Variants in CCDC91 observed in about 807,000 individuals in gnomAD.
CCDC91 encodes coiled-coil domain-containing protein 91.
In CCDC91, 48 loss-of-function variants were observed where a neutral mutation model predicts 63.2. The ratio of observed to expected loss-of-function variants is 0.76; its 90% CI spans 0.60 to 0.97. The LOEUF (loss-of-function observed/expected upper bound fraction) is 0.97. CCDC91 is among the 50% of genes least tolerant of loss of function. CCDC91 has a pLI of 0.00. For missense variants in CCDC91, 500 were observed against 494.6 expected (o/e 1.01, Z -0.10); for synonymous variants, 167 against 165.8 (o/e 1.01, Z -0.06).
intron 6 of CCDC91, among the ~76,000 whole-genome samples, chr12:28,327,210 C>G (rs140903307): frequency 1.5e-4 from 23 of 152,124 alleles, no homozygotes; most frequent in African/African-American, 4.8e-4. Flanking sequence ...TGAAAAGCAG[C>G]CCCCAAATCA....
chr12:28,541,530 G>A (rs186382830), intron 12 of CCDC91, among the ~76,000 whole-genome samples: 424 of 152,174 alleles, frequency 2.8e-3, no homozygotes, highest in African/African-American at 1.0e-2. Context: ...TTGTTCTTTA[G>A]ATTGAAACAA....
intron 12 of CCDC91, among the ~76,000 whole-genome samples, chr12:28,518,663 C>T (rs1429504324): frequency 3.3e-5 from 5 of 151,824 alleles, no homozygotes; most frequent in African/African-American, 1.2e-4. Flanking sequence ...TTAATTAAGT[C>T]CCAGTTATTT....
intron 1 of CCDC91, among the ~76,000 whole-genome samples, chr12:28,215,970 G>A (rs907154292): frequency 1.3e-5 from 2 of 152,018 alleles, no homozygotes; most frequent in African/African-American, 4.8e-5. Flanking sequence ...GGAATCTTAT[G>A]CTGAATAATG....
intron 1 of CCDC91, among the ~76,000 whole-genome samples, chr12:28,225,174 A>G (rs1364181526): frequency 2.0e-5 from 3 of 152,146 alleles, no homozygotes; most frequent in Admixed American, 2.0e-4. Flanking sequence ...ATATCCAAAT[A>G]CATTGTATTT....
intron 8 of CCDC91, among the ~76,000 whole-genome samples, chr12:28,415,780 A>C (rs1200172493): frequency 6.6e-6 from 1 of 152,114 alleles, no homozygotes; most frequent in African/African-American, 2.4e-5. Flanking sequence ...TAGTGGTTAC[A>C]GTCAATATAG....
intron 10 of CCDC91, among the ~76,000 whole-genome samples, chr12:28,450,675 A>T (rs1284521908): frequency 1.3e-5 from 2 of 151,902 alleles, no homozygotes; most frequent in East Asian, 3.9e-4. Flanking sequence ...ATGTTGCAAC[A>T]CTAATATCCA....
At chr12:28,460,732 A>G (rs549689771) in intron 11 of CCDC91, among the ~76,000 whole-genome samples, 1 of 152,186 alleles carries the variant, frequency 6.6e-6, no homozygotes, top group East Asian at 1.9e-4. Flanking sequence ...ACATATTTGC[A>G]TACTATATAT....
At chr12:28,336,457 T>C (rs1384650096) in intron 6 of CCDC91, among the ~76,000 whole-genome samples, 2 of 152,050 alleles carry the variant, frequency 1.3e-5, no homozygotes, top group African/African-American at 4.8e-5. Flanking sequence ...TCCAGTGTTG[T>C]GATTTTTGTA....
intron 3 of CCDC91, among the ~76,000 whole-genome samples, chr12:28,275,337 A>T (rs1948129475): frequency 6.6e-6 from 1 of 152,108 alleles, no homozygotes; most frequent in African/African-American, 2.4e-5. Context: ...GAATACTATA[A>T]AACACCTCTA....
chr12:28,218,463 T>TA (rs201289898), intron 1 of CCDC91, among the ~76,000 whole-genome samples: 10 of 95,854 alleles, frequency 1.0e-4, no homozygotes, highest in South Asian at 3.5e-4. Context: ...AAGACAAAAT[T>TA]AAAAAAAAAA....
chr12:28,540,149 T>C (rs1412793609), intron 12 of CCDC91, among the ~76,000 whole-genome samples: 2 of 152,166 alleles, frequency 1.3e-5, no homozygotes, highest in Non-Finnish European at 2.9e-5. Context: ...ACATTGTCTT[T>C]ATGCGTGTTT....
At chr12:28,398,428 C>G (rs1946418347) in intron 8 of CCDC91, among the ~76,000 whole-genome samples, 1 of 152,014 alleles carries the variant, frequency 6.6e-6, no homozygotes, top group Non-Finnish European at 1.5e-5. Flanking sequence ...TTTATTCATT[C>G]ACTTATTAAA....
At chr12:28,302,569 G>C (rs1938192617) in intron 3 of CCDC91, 2 of 836,168 alleles carry the variant, frequency 2.4e-6, no homozygotes, top group South Asian at 1.1e-4. Flanking sequence ...CTTTTACCTA[G>C]ACAGTAATAT....
intron 11 of CCDC91, among the ~76,000 whole-genome samples, chr12:28,477,703 T>C (rs1265854626): frequency 6.6e-6 from 1 of 152,116 alleles, no homozygotes; most frequent in Admixed American, 6.5e-5. Flanking sequence ...TGATTGTATA[T>C]CTAAAAAACC....
intron 7 of CCDC91, among the ~76,000 whole-genome samples, chr12:28,380,756 ATATC>A (rs922102719): frequency 1.3e-5 from 2 of 152,254 alleles, no homozygotes; most frequent in Admixed American, 6.5e-5. Flanking sequence ...TTCTTTAACA[ATATC>A]AATCAATATA....
Position 28,548,549 on chromosome 12 carries a change from G to C in CCDC91, c.1216-514G>C, listed in dbSNP as rs567565715. 4.6e-5 allele frequency among the ~76,000 whole-genome samples: 7 copies of C among 152,202 alleles called. No homozygotes were observed. The East Asian group carries it at 1.4e-3, about 29-fold the overall frequency. ...GCCTCCCAAAGTGCTGGGATTACAG[G>C]TGTGAACCTCTGCACCTGGCCTCAA... is the stretch of plus-strand genomic sequence containing the variant. On this transcript the variant is annotated intron_variant, in intron 12 of 12. Coordinates refer to ENST00000536442, the MANE Select transcript of CCDC91 (RefSeq NM_018318.5).
At chr12:28,467,247 T>G (rs1235491208) in intron 11 of CCDC91, among the ~76,000 whole-genome samples, 3 of 151,840 alleles carry the variant, frequency 2.0e-5, no homozygotes, top group Non-Finnish European at 4.4e-5. Flanking sequence ...AAGTCACACA[T>G]AGACTGAAGA....
chr12:28,342,567 A>C (rs1942505546), intron 6 of CCDC91, among the ~76,000 whole-genome samples: 2 of 152,156 alleles, frequency 1.3e-5, no homozygotes. Context: ...GAAAAATATT[A>C]TAGCAAGCTT....
At chr12:28,213,530 T>G (rs890470049) in intron 1 of CCDC91, among the ~76,000 whole-genome samples, 3 of 152,238 alleles carry the variant, frequency 2.0e-5, no homozygotes, top group Middle Eastern at 3.2e-3. Flanking sequence ...TGGGGAATTA[T>G]AAAAGGCTCT....
Sources: allele counts gnomAD v4.1 joint callset (sites outside exome capture counted in the v4.1 genomes callset), GRCh38; gene constraint gnomAD v4.1.1; transcripts MANE v1.5; gene names NCBI Gene and HGNC (gene_info 2026-07-23, HGNC 2026-07-21).